The following ADSS2 variants were observed in gnomAD, a reference collection of about 807,000 sequenced individuals.
The protein encoded by ADSS2 is adenylosuccinate synthetase isozyme 2.
ADSS2 carries 30 observed loss-of-function variants against 60.0 expected under a neutral mutation model. The ratio of observed to expected loss-of-function variants is 0.50; its 90% CI spans 0.37 to 0.68. ADSS2 has a LOEUF of 0.68. Ranked by LOEUF, ADSS2 falls within the 30% of genes least tolerant of loss-of-function variation. The pLI, the probability that ADSS2 is intolerant of heterozygous loss-of-function variation, is 0.00. For synonymous variants in ADSS2, 187 were observed against 193.1 expected, an observed-to-expected ratio of 0.97 and a Z score of 0.26; for missense variants, 373 against 554.8, an observed-to-expected ratio of 0.67 and a Z score of 3.29.
upstream of ADSS2, chr1:244,451,970 TC>T: frequency 1.4e-6 from 1 of 727,984 alleles, no homozygotes; most frequent in Non-Finnish European, 2.1e-6. The surrounding 1 kb of genome is among the most constrained non-coding windows in gnomAD (Gnocchi z 6.6). Flanking sequence ...CTCCAGCCAG[TC>T]CCCGCCCCGC....
intron 3 of ADSS2, among the ~76,000 whole-genome samples, chr1:244,436,055 C>A (rs537818870): frequency 6.6e-6 from 1 of 152,130 alleles, no homozygotes; most frequent in Non-Finnish European, 1.5e-5. Context: ...GGGAGAAGGC[C>A]TTTTTTCCCC....
Position 244,413,746 on chromosome 1 carries a change from G to A in ADSS2, c.1168+2235C>T, listed in dbSNP as rs575118146. Among the ~76,000 whole-genome samples the A allele has an allele frequency of 7.4e-4, 113 of 152,256 alleles. 1 individual carries two copies. The highest frequency in any genetic ancestry group is 6.4e-3 in the South Asian group (31 of 4,824). On this transcript the variant is annotated intron_variant, in intron 11 of 12. Coordinates refer to ENST00000366535, the MANE Select transcript of ADSS2 (RefSeq NM_001126.5). ...ACCAGACCTCAGCTGCTACACAGTT[G>A]GGGGTGGAACAAAGACTCTAGAAGT...
chr1:244,438,282 C>A (rs983282064), intron 1 of ADSS2, among the ~76,000 whole-genome samples: 1 of 152,158 alleles, frequency 6.6e-6, no homozygotes, highest in African/African-American at 2.4e-5. Flanking sequence ...GTATCTCCCC[C>A]AAATACTGGT....
chr1:244,444,784 G>C (rs1358287329), intron 1 of ADSS2, among the ~76,000 whole-genome samples: 1 of 151,810 alleles, frequency 6.6e-6, no homozygotes, highest in African/African-American at 2.4e-5. Context: ...TCTATTTTTT[G>C]TTCCAGAAAA....
chr1:244,451,786 G>A lies in ADSS2; in HGVS notation c.32C>T (p.Ser11Phe). 1.9e-6 allele frequency: 3 copies of A among 1,597,218 alleles called. No homozygotes were observed. Among genetic ancestry groups the A allele is most frequent in the Non-Finnish European group, 1.7e-6 (2 of 1,172,860 alleles). The change falls in exon 1 of 13, where the codon TCC (serine) becomes TTC (phenylalanine). Residue 11 changes from serine to phenylalanine, a missense_variant. Ser to Phe is a radical substitution (Grantham distance 155). This residue lies in a region of ADSS2 where 47 missense variants were observed against 48.3 expected (regional missense o/e 0.97). Transcript: ENST00000366535. The surrounding 1 kb of genome is among the most constrained non-coding windows in gnomAD (Gnocchi z 6.6). ...GCCGCAATCGCCGTTGGGCAGGGAG[G>A]ATGCCGCCGGGTAGGTCTCGGCGAA... MAFAETYPAA[S>F]SLPNGDCGRP...
chr1:244,430,788 A>G (rs901630405), intron 4 of ADSS2, among the ~76,000 whole-genome samples: 3 of 152,192 alleles, frequency 2.0e-5, no homozygotes, highest in Admixed American at 6.5e-5. Context: ...TCACAAAAAC[A>G]TATTTTTCCT....
intron 8 of ADSS2, 123 bp from the exon 9 acceptor site, chr1:244,419,037 T>C (rs1423128940): frequency 6.7e-6 from 6 of 889,028 alleles, no homozygotes; most frequent in African/African-American, 1.7e-5. Flanking sequence ...GAACTGTAAC[T>C]GCCCTCTCAA....
intron 12 of ADSS2, among the ~76,000 whole-genome samples, chr1:244,410,781 T>C (rs1394805897): frequency 6.6e-6 from 1 of 152,198 alleles, no homozygotes; most frequent in Non-Finnish European, 1.5e-5. Flanking sequence ...TAATCTATTA[T>C]CTTCTATTTA....
chr1:244,431,058 G>T lies in ADSS2; in HGVS notation c.406+1487C>A, dbSNP rs901582483. On this transcript the variant is annotated intron_variant, in intron 4 of 12. Transcript: ENST00000366535. ...CACTTGAACCCGGGAGGCAGAGGTT[G>T]CAGTGAGCTGAGATCACCCCACTGC... 2.6e-5 allele frequency among the ~76,000 whole-genome samples: 4 copies of T among 152,164 alleles called. No individual in the cohort carries two copies. In the East Asian group the frequency reaches 7.7e-4, roughly 29 times the overall value.
intron 4 of ADSS2, among the ~76,000 whole-genome samples, chr1:244,429,551 T>C (rs1431851689): frequency 6.6e-6 from 1 of 152,234 alleles, no homozygotes. Context: ...GATTTTTTAA[T>C]GATACTATTT....
chr1:244,433,407 C>T (rs995119108), intron 3 of ADSS2, among the ~76,000 whole-genome samples: 3 of 152,138 alleles, frequency 2.0e-5, no homozygotes, highest in African/African-American at 7.2e-5. Context: ...CTAAAAGCTC[C>T]AAATTCAAAC....
chr1:244,446,700 CTAA>C (rs1464550708), intron 1 of ADSS2, among the ~76,000 whole-genome samples: 3 of 152,202 alleles, frequency 2.0e-5, no homozygotes, highest in Admixed American at 1.3e-4. Context: ...GTACCAAACT[CTAA>C]TATTCTTTCA....
In ADSS2 at chr1:244,424,310, C is replaced by T. The variant is rs1664745858; in HGVS notation, c.473+11G>A. ...TTAAACTGTACCAAAAAAACAAAAA[C>T]CCACACATACTTTTTTCCTGCTTGT... On this transcript the variant is annotated intron_variant, in intron 5 of 12. Coordinates refer to ENST00000366535, the MANE Select transcript of ADSS2 (RefSeq NM_001126.5). 6.2e-7 allele frequency: 1 copy of T among 1,612,204 alleles called. No individual in the cohort carries two copies. The highest frequency in any genetic ancestry group is 8.5e-7 in the Non-Finnish European group (1 of 1,178,874).
intron 4 of ADSS2, among the ~76,000 whole-genome samples, chr1:244,430,359 G>C (rs1333050119): frequency 6.6e-6 from 1 of 152,176 alleles, no homozygotes; most frequent in Non-Finnish European, 1.5e-5. Flanking sequence ...AATCCAGACA[G>C]GAACAGGGAT....
chr1:244,430,804 A>G (rs1664923929), intron 4 of ADSS2, among the ~76,000 whole-genome samples: 1 of 152,214 alleles, frequency 6.6e-6, no homozygotes, highest in Non-Finnish European at 1.5e-5. Context: ...TTCCTTATAT[A>G]ACTAGGAGAC....
At chr1:244,430,033 T>A (rs1330588661) in intron 4 of ADSS2, among the ~76,000 whole-genome samples, 2 of 152,120 alleles carry the variant, frequency 1.3e-5, no homozygotes, top group African/African-American at 4.8e-5. Flanking sequence ...ACACCTACAT[T>A]TCAGTCTGCG....
intron 7 of ADSS2, 45 bp from the exon 8 acceptor site, chr1:244,420,341 G>A (rs370954450): frequency 9.0e-5 from 136 of 1,507,970 alleles, no homozygotes; most frequent in East Asian, 3.9e-4. Flanking sequence ...ACTAATAAAC[G>A]TTTAACATAA....
In ADSS2 at chr1:244,436,865, T is replaced by G. The variant is rs778068944; in HGVS notation, c.315A>C (p.Gly105=). ...IGNGVVIHLP[G]LFEEAEKNVQ... is the part of the protein sequence containing the mutation. ...CATTTTTCTCTGCTTCTTCAAACAA[T>G]CCAGGTAGATGAATTACCACACCAT... Residue 105 remains glycine (G), a synonymous_variant, in exon 3 of 13, where the codon GGA becomes GGC. Transcript: ENST00000366535. 1.2e-6 allele frequency: 2 copies of G among 1,612,096 alleles called. No homozygotes were observed. The highest frequency in any genetic ancestry group is 3.3e-5 in the Admixed American group (2 of 59,772).
At chr1:244,431,076 C>T (rs1040273963) in intron 4 of ADSS2, among the ~76,000 whole-genome samples, 2 of 151,742 alleles carry the variant, frequency 1.3e-5, no homozygotes, top group East Asian at 1.9e-4. Flanking sequence ...CTGAGATCAC[C>T]CCACTGCACT....
Sources: allele counts gnomAD v4.1 joint callset (sites outside exome capture counted in the v4.1 genomes callset), GRCh38; gene constraint gnomAD v4.1.1; regional missense constraint gnomAD v4.1.1; non-coding constraint Gnocchi (gnomAD v3.1); transcripts MANE v1.5; gene names NCBI Gene and HGNC (gene_info 2026-07-23, HGNC 2026-07-21).